The following SPMIP6 variants were observed in gnomAD, a reference collection of about 807,000 sequenced individuals.
The protein encoded by SPMIP6 is sperm microtubule inner protein 6, also known as ciliated bronchial epithelial protein 1.
the SPMIP6 span, among the ~76,000 whole-genome samples, chr9:34,387,380 G>T: frequency 6.6e-6 from 1 of 152,110 alleles, no homozygotes; most frequent in Non-Finnish European, 1.5e-5. Flanking sequence ...GGGGCTTCTG[G>T]GATCAACTGT....
the SPMIP6 span, among the ~76,000 whole-genome samples, chr9:34,391,284 T>A: frequency 2.9e-3 from 449 of 152,298 alleles, 3 homozygotes; most frequent in Non-Finnish European, 1.4e-3. Flanking sequence ...CTTCTTTTAT[T>A]TGTCTGTGCC....
At chr9:34,396,205 T>C in the SPMIP6 span, among the ~76,000 whole-genome samples, 2 of 152,202 alleles carry the variant, frequency 1.3e-5, no homozygotes, top group African/African-American at 4.8e-5. Flanking sequence ...CGATAATATA[T>C]TAACAATGGT....
chr9:34,389,954 C>A, the SPMIP6 span: 2 of 137,450 alleles, frequency 1.5e-5, no homozygotes, highest in Admixed American at 7.3e-5. Flanking sequence ...TAAGACTAGT[C>A]CAACACACTA....
At chr9:34,394,238 C>T in the SPMIP6 span, among the ~76,000 whole-genome samples, 2 of 152,224 alleles carry the variant, frequency 1.3e-5, no homozygotes, top group East Asian at 3.8e-4. Flanking sequence ...TCATTGCAAG[C>T]TCTGCCTCCT....
the SPMIP6 span, chr9:34,381,092 C>T: frequency 2.8e-5 from 45 of 1,609,208 alleles, no homozygotes; most frequent in Non-Finnish European, 3.4e-5. This position sits in a 1 kb window ranked among gnomAD's most constrained non-coding sequence, Gnocchi z 4.4. Flanking sequence ...CTGCTGGTTC[C>T]GCGACAGTGA....
the SPMIP6 span, chr9:34,383,017 G>C: frequency 1.6e-6 from 1 of 644,216 alleles, no homozygotes; most frequent in Non-Finnish European, 2.8e-6. Context: ...GCCCAGCCGG[G>C]CCTACACTTG....
the SPMIP6 span, among the ~76,000 whole-genome samples, chr9:34,388,141 CTT>C: frequency 4.7e-3 from 640 of 134,910 alleles, no homozygotes; most frequent in Admixed American, 5.2e-3. Flanking sequence ...AGTTTAACTG[CTT>C]TTTTTTTTTT....
At chr9:34,379,881 C>T in the SPMIP6 span, 2 of 605,450 alleles carry the variant, frequency 3.3e-6, no homozygotes, top group Non-Finnish European at 5.9e-6. The surrounding 1 kb of genome is among the most constrained non-coding windows in gnomAD (Gnocchi z 4.2). Flanking sequence ...TCAAAACCCC[C>T]ACTGCAGCAC....
At chr9:34,384,563 C>T in the SPMIP6 span, among the ~76,000 whole-genome samples, 3 of 152,122 alleles carry the variant, frequency 2.0e-5, no homozygotes, top group Non-Finnish European at 2.9e-5. Flanking sequence ...CTGCAGAGTC[C>T]TGTGGATTTG....
chr9:34,395,452 G>C, the SPMIP6 span, among the ~76,000 whole-genome samples: 1 of 152,008 alleles, frequency 6.6e-6, no homozygotes, highest in Non-Finnish European at 1.5e-5. Flanking sequence ...TAGTTCTCTG[G>C]CAATAATTCT....
chr9:34,383,446 C>T, the SPMIP6 span, among the ~76,000 whole-genome samples: 1 of 152,194 alleles, frequency 6.6e-6, no homozygotes, highest in Non-Finnish European at 1.5e-5. Flanking sequence ...ATAGCTCAAA[C>T]CAGGGAGGCA....
chr9:34,381,615 T>C, the SPMIP6 span: 2 of 1,437,282 alleles, frequency 1.4e-6, no homozygotes, highest in Non-Finnish European at 1.8e-6. The surrounding 1 kb of genome is among the most constrained non-coding windows in gnomAD (Gnocchi z 4.4). Flanking sequence ...GCAACGCTTT[T>C]ACATCGCCAA....
chr9:34,380,333 C>G, the SPMIP6 span, among the ~76,000 whole-genome samples: 1 of 152,212 alleles, frequency 6.6e-6, no homozygotes, highest in African/African-American at 2.4e-5. Flanking sequence ...GCGAGGGTGC[C>G]TACCTCCGCA....
chr9:34,379,047 C>T, the SPMIP6 span: 2 of 1,314,270 alleles, frequency 1.5e-6, no homozygotes, highest in African/African-American at 1.5e-5. This position sits in a 1 kb window ranked among gnomAD's most constrained non-coding sequence, Gnocchi z 4.2. Flanking sequence ...ATTTATTGCT[C>T]TGCCCCCTTG....
the SPMIP6 span, chr9:34,385,682 C>G: frequency 6.2e-7 from 1 of 1,613,742 alleles, no homozygotes; most frequent in Non-Finnish European, 8.5e-7. Context: ...TAGGGGTGGC[C>G]TGATATGGAC....
chr9:34,396,932 C>G, the SPMIP6 span, among the ~76,000 whole-genome samples: 2 of 152,194 alleles, frequency 1.3e-5, no homozygotes, highest in South Asian at 2.1e-4. Flanking sequence ...TAGGCAGAGT[C>G]ACAGTTAGAC....
chr9:34,380,933 C>A, the SPMIP6 span: 3 of 1,597,768 alleles, frequency 1.9e-6, no homozygotes, highest in Non-Finnish European at 2.5e-6. Flanking sequence ...AGGCCGCAGG[C>A]GGCGGTCGGT....
chr9:34,391,974 TG>T, the SPMIP6 span, among the ~76,000 whole-genome samples: 1 of 152,222 alleles, frequency 6.6e-6, no homozygotes, highest in African/African-American at 2.4e-5. Context: ...TGGTATATTT[TG>T]CCAATTTCTC....
the SPMIP6 span, among the ~76,000 whole-genome samples, chr9:34,393,633 G>A: frequency 6.6e-6 from 1 of 151,908 alleles, no homozygotes; most frequent in Non-Finnish European, 1.5e-5. Context: ...GTTAGTTCTG[G>A]AAAATTCTGA....
Sources: allele counts gnomAD v4.1 joint callset (sites outside exome capture counted in the v4.1 genomes callset), GRCh38; gene constraint gnomAD v4.1.1; non-coding constraint Gnocchi (gnomAD v3.1); transcripts MANE v1.5; gene names NCBI Gene and HGNC (gene_info 2026-07-23, HGNC 2026-07-21).